The following DNM1 variants were observed in gnomAD, a reference collection of about 807,000 sequenced individuals.
DNM1 encodes dynamin 1.
A neutral mutation model predicts 104.6 loss-of-function variants in DNM1; 29 were observed. The observed-to-expected ratio is 0.28, with a 90% CI of 0.21 to 0.38. The LOEUF (loss-of-function observed/expected upper bound fraction) is 0.38. DNM1 is among the 10% of genes least tolerant of loss of function. DNM1 has a pLI of 1.00. For missense variants in DNM1, 640 were observed against 1,189.4 expected (o/e 0.54, Z 6.79); for synonymous variants, 445 against 475.8 (o/e 0.94, Z 0.84).
chr9:128,241,434 T>C (rs144731954), intron 14 of DNM1, among the ~76,000 whole-genome samples: 208 of 152,312 alleles, frequency 1.4e-3, no homozygotes, highest in African/African-American at 4.8e-3. Context: ...CTAGGCACTT[T>C]GTGGCTCAGC....
In DNM1 at chr9:128,222,670, GTTTTTGCTGGCCCCCAC is replaced by G; in HGVS notation, c.1128+75_1128+91del. On this transcript the variant is annotated intron_variant, in intron 8 of 21. Transcript: ENST00000372923. This position sits in a 1 kb window ranked among gnomAD's most constrained non-coding sequence, Gnocchi z 7.8. ...CTCACTCAGGACTCTCTCTGCGTGTGTTTTTGCTGGCCCCCACCCCACAGGCCCTGATGCCCAGCCCT... is the reference window on the plus strand; with the variant it reads ...CTCACTCAGGACTCTCTCTGCGTGTGCCCACAGGCCCTGATGCCCAGCCCT... 1 of 1,605,250 alleles carries G rather than the reference GTTTTTGCTGGCCCCCAC, an allele frequency of 6.2e-7. No homozygotes were observed. Among genetic ancestry groups the G allele is most frequent in the Non-Finnish European group, 8.5e-7 (1 of 1,174,100 alleles).
At chr9:128,233,784 G>T in intron 10 of DNM1, 1 of 562,048 alleles carries the variant, frequency 1.8e-6, no homozygotes, top group Non-Finnish European at 3.2e-6. Context: ...CCAGTGAAGA[G>T]GGCCCGGAAC....
rs1008691565 is a variant in DNM1 at position 128,218,096 on chromosome 9, A to G, written c.162-135A>G. The G allele has an allele frequency of 2.5e-6, 2 of 810,974 alleles. No homozygotes were observed. The highest frequency in any genetic ancestry group is 2.4e-5 in the East Asian group (1 of 40,836). 50.2% of individuals were successfully genotyped at this position (810,974 alleles called of 1,614,324 possible). ...CTGCCATATGCTCTTAGTTACCTGA[A>G]GCCCCTGGGCTAAGGAGCGGTGGAG... is the stretch of plus-strand genomic sequence containing the variant. On this transcript the variant is annotated intron_variant, in intron 1 of 21. Transcript: ENST00000372923. This position sits in a 1 kb window ranked among gnomAD's most constrained non-coding sequence, Gnocchi z 4.8.
intron 1 of DNM1, among the ~76,000 whole-genome samples, chr9:128,205,866 C>T (rs1016152151): frequency 1.3e-5 from 2 of 152,196 alleles, no homozygotes; most frequent in African/African-American, 2.4e-5. Flanking sequence ...AGGTTTGGAC[C>T]GTGCCCCAGG....
Position 128,247,850 on chromosome 9 carries a change from T to C in DNM1, c.1894-74T>C. On this transcript the variant is annotated intron_variant, in intron 17 of 21. Coordinates refer to ENST00000372923, the MANE Select transcript of DNM1 (RefSeq NM_004408.4). This position sits in a 1 kb window ranked among gnomAD's most constrained non-coding sequence, Gnocchi z 5.1. ...CAGGTTCACTCAATCTCTCCCCTTT[T>C]CCTCTCTGTGTTTCCTTCGGCTGTG... The C allele has an allele frequency of 6.3e-7, 1 of 1,586,834 alleles. No homozygotes were observed. The highest frequency in any genetic ancestry group is 8.6e-7 in the Non-Finnish European group (1 of 1,163,310).
Position 128,240,087 on chromosome 9 carries a change from C to A in DNM1, c.1557+91C>A. On this transcript the variant is annotated intron_variant, in intron 14 of 21. Coordinates refer to ENST00000372923, the MANE Select transcript of DNM1 (RefSeq NM_004408.4). This position sits in a 1 kb window ranked among gnomAD's most constrained non-coding sequence, Gnocchi z 5.1. ...GATCTGCAACGGGTAGGAGGGCACC[C>A]TTTGGCTGAAGCTGCTTGTACACAC... The A allele has an allele frequency of 1.3e-6, 2 of 1,486,218 alleles. No individual in the cohort carries two copies. The highest frequency in any genetic ancestry group is 1.4e-5 in the African/African-American group (1 of 72,370). The allele number at this position is 1,486,218 out of a possible 1,614,324, so 92.1% of individuals were successfully genotyped here.
rs777759824 is a variant in DNM1 at position 128,222,221 on chromosome 9, A to T, written c.874A>T (p.Thr292Ser). Residue 292 changes from threonine to serine, a missense_variant, in exon 7 of 22, where the codon ACA (threonine) becomes TCA (serine). By Grantham distance (58) the Thr-to-Ser change is moderately conservative (BLOSUM62 1). This residue lies in a region of DNM1 where 81 missense variants were observed against 99.8 expected (regional missense o/e 0.81). Coordinates refer to ENST00000372923, the MANE Select transcript of DNM1 (RefSeq NM_004408.4). This position sits in a 1 kb window ranked among gnomAD's most constrained non-coding sequence, Gnocchi z 7.8. ...GCAACTGACGAACCACATCCGGGAC[A>T]CACTGCCGGGGCTGCGGAACAAGCT... The part of the protein sequence containing the change: ...NQQLTNHIRD[T>S]LPGLRNKLQS... The T allele has an allele frequency of 8.7e-6, 14 of 1,613,992 alleles. No homozygotes were observed. In the South Asian group the frequency reaches 1.5e-4, roughly 18 times the overall value.
rs61020870 is a variant in DNM1, at chr9:128,220,742, C to CGCGCGTGTGTGTGT, written c.849+402_849+403insCGCGTGTGTGTGTG. Among the ~76,000 whole-genome samples the CGCGCGTGTGTGTGT allele has an allele frequency of 2.0e-4, 27 of 136,364 alleles. No homozygotes were observed. Among genetic ancestry groups the CGCGCGTGTGTGTGT allele is most frequent in the African/African-American group, 7.1e-4 (27 of 37,810 alleles). The allele number at this position is 136,364 out of a possible 152,430, so 89.5% of individuals were successfully genotyped here. A position where few individuals can be genotyped will look rare whatever the true frequency, so the allele number is the denominator to read the frequency against. On this transcript the variant is annotated intron_variant, in intron 6 of 21. Coordinates refer to ENST00000372923, the MANE Select transcript of DNM1 (RefSeq NM_004408.4). This position sits in a 1 kb window ranked among gnomAD's most constrained non-coding sequence, Gnocchi z 5.2. ...CAGAACTGAAGTGCGCGCGCGCGCG[C>CGCGCGTGTGTGTGT]GTGTGTGTGTGTGTGTGTGTGTGTG...
At chr9:128,229,584 CA>C (rs1376417471) in intron 10 of DNM1, among the ~76,000 whole-genome samples, 1 of 100,240 alleles carries the variant, frequency 1.0e-5, no homozygotes, top group Non-Finnish European at 1.8e-5. Flanking sequence ...GACTGGAAGA[CA>C]GAGCAAAACC....
chr9:128,221,564 C>T (rs546070469), intron 6 of DNM1, among the ~76,000 whole-genome samples: 7 of 152,242 alleles, frequency 4.6e-5, no homozygotes, highest in African/African-American at 1.7e-4. Flanking sequence ...GTCCAAGGGG[C>T]AGCCCTCTGG....
At chr9:128,230,212 G>A (rs1158052139) in intron 10 of DNM1, among the ~76,000 whole-genome samples, 13 of 134,716 alleles carry the variant, frequency 9.6e-5, no homozygotes, top group South Asian at 9.5e-4. Flanking sequence ...TCGAGACTCC[G>A]TCTCAAAAAA....
At chr9:128,250,985 T>G in intron 21 of DNM1, 45 bp downstream of exon 21, 1 of 1,183,262 alleles carries the variant, frequency 8.5e-7, no homozygotes, top group Non-Finnish European at 1.2e-6. Context: ...CGGACGGGCG[T>G]GGCCGGGAGG....
At position 128,247,984 on chromosome 9, in the gene DNM1, C is replaced by A; in HGVS notation, c.1905+49C>A. 6.2e-7 allele frequency: 1 copy of A among 1,611,920 alleles called. No homozygotes were observed. Among genetic ancestry groups the A allele is most frequent in the Non-Finnish European group, 8.5e-7 (1 of 1,178,014 alleles). ...CCTGCCAGGCATCTGCAGCCTGGCACCAGCTCCAGCCAGGTTTTCAAGCAA... is the reference window on the plus strand; with the variant it reads ...CCTGCCAGGCATCTGCAGCCTGGCAACAGCTCCAGCCAGGTTTTCAAGCAA... On this transcript the variant is annotated intron_variant, in intron 18 of 21. Transcript: ENST00000372923. The surrounding 1 kb of genome is among the most constrained non-coding windows in gnomAD (Gnocchi z 5.1).
intron 10 of DNM1, among the ~76,000 whole-genome samples, chr9:128,229,146 C>T (rs887122452): frequency 1.3e-5 from 2 of 152,074 alleles, no homozygotes; most frequent in African/African-American, 2.4e-5. Context: ...AATCCCAGAA[C>T]TTTGGGAAGC....
At position 128,248,050 on chromosome 9, in the gene DNM1, C is replaced by T. The variant is rs1277997101; in HGVS notation, c.1905+115C>T. 4.9e-6 allele frequency: 7 copies of T among 1,427,012 alleles called. No individual in the cohort carries two copies. The South Asian group carries it at 5.7e-5, about 12-fold the overall frequency. 88.4% of individuals were successfully genotyped at this position (1,427,012 alleles called of 1,614,324 possible). ...TCTTTTCTAATTTCTGGATTGGGGC[C>T]AGGCGCAGTGGCTCACACCTGTAAA... On this transcript the variant is annotated intron_variant, in intron 18 of 21. Coordinates refer to ENST00000372923, the MANE Select transcript of DNM1 (RefSeq NM_004408.4). The surrounding 1 kb of genome is among the most constrained non-coding windows in gnomAD (Gnocchi z 5.6).
At position 128,248,194 on chromosome 9, in the gene DNM1, G is replaced by A. The variant is rs1836945079; in HGVS notation, c.1905+259G>A. 1.8e-6 allele frequency: 1 copy of A among 543,236 alleles called. No individual in the cohort carries two copies. The highest frequency in any genetic ancestry group is 3.1e-5 in the Admixed American group (1 of 31,920). 33.7% of individuals were successfully genotyped at this position (543,236 alleles called of 1,614,324 possible). On this transcript the variant is annotated intron_variant, in intron 18 of 21. Transcript: ENST00000372923. This position sits in a 1 kb window ranked among gnomAD's most constrained non-coding sequence, Gnocchi z 5.6. The stretch of plus-strand genomic sequence containing the variant: ...ATACAAAAATTAGCCAGGCATGGTG[G>A]TGCGCGCCTGTAATCCCAGCTACTC...
chr9:128,218,883 C>A lies in DNM1; in HGVS notation c.385+152C>A. 7.7e-7 allele frequency: 1 copy of A among 1,307,068 alleles called. No homozygotes were observed. Among genetic ancestry groups the A allele is most frequent in the Non-Finnish European group, 1.0e-6 (1 of 962,810 alleles). The allele number at this position is 1,307,068 out of a possible 1,614,324, so 81.0% of individuals were successfully genotyped here. A position where few individuals can be genotyped will look rare whatever the true frequency, so the allele number is the denominator to read the frequency against. ...CTCCACCCTGCCGTGATTCCGCCCACTTCCGGCCACGCCTCCAACAGACTG... is the reference window on the plus strand; with the variant it reads ...CTCCACCCTGCCGTGATTCCGCCCAATTCCGGCCACGCCTCCAACAGACTG... On this transcript the variant is annotated intron_variant, in intron 3 of 21. Transcript: ENST00000372923. This position sits in a 1 kb window ranked among gnomAD's most constrained non-coding sequence, Gnocchi z 4.8.
At position 128,248,517 on chromosome 9, in the gene DNM1, C is replaced by G; in HGVS notation, c.1906-66C>G. 3 of 1,575,540 alleles carry G rather than the reference C, an allele frequency of 1.9e-6. No individual in the cohort carries two copies. Among genetic ancestry groups the G allele is most frequent in the Non-Finnish European group, 2.6e-6 (3 of 1,154,358 alleles). On this transcript the variant is annotated intron_variant, in intron 18 of 21. Transcript: ENST00000372923. This position sits in a 1 kb window ranked among gnomAD's most constrained non-coding sequence, Gnocchi z 5.6. Reference sequence around the variant, plus strand: ...TGGGTACCCTTGGAGGGGCTGAGATCCTGGGGATGCCTGGAGCCTGGCTGC... The same window carrying G: ...TGGGTACCCTTGGAGGGGCTGAGATGCTGGGGATGCCTGGAGCCTGGCTGC...
rs532535557 is a variant in DNM1 at position 128,222,566 on chromosome 9, C to T, written c.1098C>T (p.Phe366=). 15 of 1,614,166 alleles carry T rather than the reference C, an allele frequency of 9.3e-6. No individual in the cohort carries two copies. The Admixed American group carries it at 1.5e-4, about 16-fold the overall frequency. Residue 366 remains phenylalanine, a synonymous_variant, in exon 8 of 22, where the codon TTC becomes TTT. Transcript: ENST00000372923. The surrounding 1 kb of genome is among the most constrained non-coding windows in gnomAD (Gnocchi z 7.8). ...GGGGAGCCCGCATTAACCGAATCTTCCACGAGCGCTTCCCTTTCGAGCTGG... is the reference window on the plus strand; with the variant it reads ...GGGGAGCCCGCATTAACCGAATCTTTCACGAGCGCTTCCCTTTCGAGCTGG... ...LSGGARINRI[F]HERFPFELVK...
Sources: gnomAD v4.1 joint callset for allele counts (sites outside exome capture counted in the v4.1 genomes callset) on GRCh38, gnomAD v4.1.1 for gene constraint, gnomAD v4.1.1 regional missense constraint, Gnocchi (gnomAD v3.1) non-coding constraint, MANE v1.5 for transcripts, NCBI Gene and HGNC (gene_info 2026-07-23, HGNC 2026-07-21) for gene names.